The following DLL4 variants were observed in gnomAD, a reference collection of about 807,000 sequenced individuals.
DLL4 encodes delta like canonical Notch ligand 4, also known as delta-like protein 4.
A neutral mutation model predicts 73.6 loss-of-function variants in DLL4; 7 were observed. The observed-to-expected ratio is 0.10, with a 90% CI of 0.05 to 0.18. DLL4 has a LOEUF of 0.18. DLL4 is among the 10% of genes least tolerant of loss of function. The pLI is 1.00. For synonymous variants in DLL4, 345 were observed against 374.3 expected (o/e 0.92, Z 0.90); for missense variants, 614 against 929.9 (o/e 0.66, Z 4.42).
In DLL4 at chr15:40,929,569, C is replaced by A. The variant is rs1892732632; in HGVS notation, c.-100C>A. On this transcript the variant is annotated 5_prime_UTR_variant, in exon 1 of 11. Transcript: ENST00000249749. The surrounding 1 kb of genome is among the most constrained non-coding windows in gnomAD (Gnocchi z 7.1). ...GAGCAGCGTCCCGAGAGGAGCGCCT[C>A]TTTTCAGGGACCCCGCCGGCTGGCG... 2 of 1,194,978 alleles carry A rather than the reference C, an allele frequency of 1.7e-6. No individual in the cohort carries two copies. The highest frequency in any genetic ancestry group is 2.9e-5 in the Admixed American group (1 of 34,410). 74.0% of individuals were successfully genotyped at this position (1,194,978 alleles called of 1,614,324 possible).
Position 40,930,997 on chromosome 15 carries a change from G to T in DLL4, c.394+315G>T. 1 of 499,132 alleles carries T rather than the reference G, an allele frequency of 2.0e-6. No homozygotes were observed. Among genetic ancestry groups the T allele is most frequent in the Non-Finnish European group, 3.6e-6 (1 of 280,084 alleles). 30.9% of individuals were successfully genotyped at this position (499,132 alleles called of 1,614,324 possible). ...CGCGAATTCCGCTCCTTTGGAAAGGGAATAATGGCTTTGGGATGTTGTTCT... is the reference window on the plus strand; with the variant it reads ...CGCGAATTCCGCTCCTTTGGAAAGGTAATAATGGCTTTGGGATGTTGTTCT... On this transcript the variant is annotated intron_variant, in intron 3 of 10. Coordinates refer to ENST00000249749, the MANE Select transcript of DLL4 (RefSeq NM_019074.4). The surrounding 1 kb of genome is among the most constrained non-coding windows in gnomAD (Gnocchi z 5.7).
chr15:40,933,525 C>T (rs887640250), intron 6 of DLL4, among the ~76,000 whole-genome samples: 2 of 152,296 alleles, frequency 1.3e-5, no homozygotes, highest in African/African-American at 2.4e-5. Context: ...ACACCTCTTC[C>T]TTTAAAAAAT....
intron 9 of DLL4, among the ~76,000 whole-genome samples, 168 bp from the exon 10 acceptor site, chr15:40,937,249 AG>A (rs1489607086): frequency 6.6e-6 from 1 of 152,050 alleles, no homozygotes; most frequent in Non-Finnish European, 1.5e-5. Flanking sequence ...TGACTCTCTT[AG>A]GGGCCTTTTC....
chr15:40,936,854 G>C lies in DLL4; in HGVS notation c.1867G>C (p.Gly623Arg). 1 of 1,613,268 alleles carries C rather than the reference G, an allele frequency of 6.2e-7. No homozygotes were observed. The highest frequency in any genetic ancestry group is 2.2e-5 in the East Asian group (1 of 44,868). ...LDYNLAPGPL[G>R]RGTMPGKFPH... ...CTATAATCTGGCCCCAGGGCCCCTG[G>C]GGCGGGGGACCATGCCAGGAAAGTT... is the stretch of plus-strand genomic sequence containing the variant. Residue 623 changes from glycine (G) to arginine (R), a missense_variant, in exon 9 of 11, where the codon GGG (glycine) becomes CGG (arginine). Transcript: ENST00000249749.
intron 8 of DLL4, 46 bp downstream of exon 8, chr15:40,935,163 G>A (rs760241301): frequency 6.4e-7 from 1 of 1,558,054 alleles, no homozygotes; most frequent in Non-Finnish European, 8.7e-7. Flanking sequence ...CCCTGGGGCT[G>A]AGAGAGACTT....
intron 6 of DLL4, among the ~76,000 whole-genome samples, chr15:40,932,744 G>A (rs1044394051): frequency 6.6e-6 from 1 of 152,206 alleles, no homozygotes; most frequent in Non-Finnish European, 1.5e-5. Context: ...AAGCCAAAGA[G>A]AGAGGGATGG....
At position 40,930,778 on chromosome 15, in the gene DLL4, G is replaced by A; in HGVS notation, c.394+96G>A. The A allele has an allele frequency of 7.8e-7, 1 of 1,283,236 alleles. No homozygotes were observed. The highest frequency in any genetic ancestry group is 1.3e-5 in the South Asian group (1 of 78,068). 79.5% of individuals were successfully genotyped at this position (1,283,236 alleles called of 1,614,324 possible). Reference sequence around the variant, plus strand: ...CGGGGGAAGTGCGGGCTTGGGGGTGGGAGGCAGGACGCTTAGCTTGGCCTG... The same window carrying A: ...CGGGGGAAGTGCGGGCTTGGGGGTGAGAGGCAGGACGCTTAGCTTGGCCTG... On this transcript the variant is annotated intron_variant, in intron 3 of 10. Coordinates refer to ENST00000249749, the MANE Select transcript of DLL4 (RefSeq NM_019074.4). The surrounding 1 kb of genome is among the most constrained non-coding windows in gnomAD (Gnocchi z 5.7).
intron 8 of DLL4, 143 bp downstream of exon 8, chr15:40,935,260 T>A (rs1892826787): frequency 1.1e-6 from 1 of 872,890 alleles, no homozygotes; most frequent in Admixed American, 2.5e-5. Context: ...GCTTGCTTGA[T>A]CAGCTGGGGG....
Position 40,929,893 on chromosome 15 carries a change from T to G in DLL4, c.113T>G (p.Ile38Ser). 1 of 1,612,886 alleles carries G rather than the reference T, an allele frequency of 6.2e-7. No individual in the cohort carries two copies. Among genetic ancestry groups the G allele is most frequent in the African/African-American group, 1.3e-5 (1 of 75,062 alleles). ...GVFQLQLQEFINERGVLASGR... is the reference protein window; with the variant it reads ...GVFQLQLQEFSNERGVLASGR... ...TTCCAGCTGCAGCTGCAGGAGTTCA[T>G]CAACGAGCGCGGCGTACTGGCCAGT... Residue 38 changes from isoleucine (I) to serine (S), a missense_variant, in exon 2 of 11, where the codon ATC becomes AGC. Physicochemically the swap from Ile to Ser is moderately radical, Grantham distance 142. Coordinates refer to ENST00000249749, the MANE Select transcript of DLL4 (RefSeq NM_019074.4). This position sits in a 1 kb window ranked among gnomAD's most constrained non-coding sequence, Gnocchi z 7.1.
chr15:40,929,590 TGGC>T lies in DLL4; in HGVS notation c.-76_-74del. The T allele has an allele frequency of 7.4e-7, 1 of 1,346,054 alleles. No homozygotes were observed. The highest frequency in any genetic ancestry group is 9.8e-7 in the Non-Finnish European group (1 of 1,017,684). The allele number at this position is 1,346,054 out of a possible 1,614,324, so 83.4% of individuals were successfully genotyped here. A position where few individuals can be genotyped will look rare whatever the true frequency, so the allele number is the denominator to read the frequency against. On this transcript the variant is annotated 5_prime_UTR_variant, in exon 1 of 11. Coordinates refer to ENST00000249749, the MANE Select transcript of DLL4 (RefSeq NM_019074.4). This position sits in a 1 kb window ranked among gnomAD's most constrained non-coding sequence, Gnocchi z 7.1. ...GCCTCTTTTCAGGGACCCCGCCGGCTGGCGGACGCGCGGGAAAGCGGCGTCGCG... is the reference window on the plus strand; with the variant it reads ...GCCTCTTTTCAGGGACCCCGCCGGCTGGACGCGCGGGAAAGCGGCGTCGCG...
Position 40,931,309 on chromosome 15 carries a change from C to G in DLL4, c.395-194C>G, listed in dbSNP as rs927915604. The G allele has an allele frequency of 9.5e-6, 6 of 632,380 alleles. No homozygotes were observed. In the African/African-American group the frequency reaches 1.1e-4, roughly 12 times the overall value. 39.2% of individuals were successfully genotyped at this position (632,380 alleles called of 1,614,324 possible). A position where few individuals can be genotyped will look rare whatever the true frequency, so the allele number is the denominator to read the frequency against. ...CTATCAGGCCCCCTGCACATGCACACACGTAGGGCAGCTACGTAGCGGGGC... is the reference window on the plus strand; with the variant it reads ...CTATCAGGCCCCCTGCACATGCACAGACGTAGGGCAGCTACGTAGCGGGGC... On this transcript the variant is annotated intron_variant, in intron 3 of 10. Transcript: ENST00000249749.
At position 40,930,226 on chromosome 15, in the gene DLL4, A is replaced by C; in HGVS notation, c.336+110A>C. 8.8e-5 allele frequency: 112 copies of C among 1,279,486 alleles called. No individual in the cohort carries two copies. Among genetic ancestry groups the C allele is most frequent in the Non-Finnish European group, 1.1e-4 (100 of 933,804 alleles). 79.3% of individuals were successfully genotyped at this position (1,279,486 alleles called of 1,614,324 possible). A position where few individuals can be genotyped will look rare whatever the true frequency, so the allele number is the denominator to read the frequency against. On this transcript the variant is annotated intron_variant, in intron 2 of 10. Transcript: ENST00000249749. The surrounding 1 kb of genome is among the most constrained non-coding windows in gnomAD (Gnocchi z 5.7). ...TTGTACACACACCCCCACCCCCAAA[A>C]AGCCCAGGATGCATTCTTTCCTGGC...
intron 6 of DLL4, among the ~76,000 whole-genome samples, chr15:40,934,182 C>T (rs952970018): frequency 3.3e-5 from 5 of 151,604 alleles, no homozygotes; most frequent in Non-Finnish European, 4.4e-5. Context: ...AAATATTAAT[C>T]GGGCACAGTG....
chr15:40,935,510 C>T (rs1892830101), intron 8 of DLL4, among the ~76,000 whole-genome samples: 1 of 152,198 alleles, frequency 6.6e-6, no homozygotes, highest in Non-Finnish European at 1.5e-5. Flanking sequence ...GCCCCGTGCC[C>T]AGGTAGAGCA....
intron 8 of DLL4, among the ~76,000 whole-genome samples, chr15:40,935,701 A>G (rs1213521607): frequency 6.6e-6 from 1 of 152,224 alleles, no homozygotes; most frequent in Non-Finnish European, 1.5e-5. Context: ...AGCCTCTGGC[A>G]CTGCCATTTC....
intron 9 of DLL4, 141 bp downstream of exon 9, chr15:40,937,071 A>G (rs1892856645): frequency 1.4e-6 from 1 of 711,616 alleles, no homozygotes; most frequent in Middle Eastern, 3.9e-4. Context: ...GATTTCTGTC[A>G]GGGGTCCTTT....
At chr15:40,931,458 T>C in intron 3 of DLL4, 45 bp from the exon 4 acceptor site, 6 of 1,577,760 alleles carry the variant, frequency 3.8e-6, no homozygotes, top group Non-Finnish European at 5.2e-6. Context: ...CTGGCACCCT[T>C]GGGGACTGGC....
chr15:40,936,961 C>G (rs1892855439), intron 9 of DLL4, 31 bp downstream of exon 9: 2 of 1,516,422 alleles, frequency 1.3e-6, no homozygotes, highest in Non-Finnish European at 1.8e-6. Flanking sequence ...CAGGGCCTGG[C>G]CACCGGCCCC....
At chr15:40,933,825 T>C (rs1276542603) in intron 6 of DLL4, among the ~76,000 whole-genome samples, 2 of 151,966 alleles carry the variant, frequency 1.3e-5, no homozygotes, top group Non-Finnish European at 2.9e-5. Context: ...AGAAACATGA[T>C]TTTCATCCTG....
Sources: allele counts gnomAD v4.1 joint callset (sites outside exome capture counted in the v4.1 genomes callset), GRCh38; gene constraint gnomAD v4.1.1; non-coding constraint Gnocchi (gnomAD v3.1); transcripts MANE v1.5; gene names NCBI Gene and HGNC (gene_info 2026-07-23, HGNC 2026-07-21).